The following SLC12A3 variants were observed in gnomAD, a reference collection of about 807,000 sequenced individuals.
SLC12A3 encodes solute carrier family 12 member 3.
SLC12A3 carries 104 observed loss-of-function variants against 121.0 expected under a neutral mutation model. That is an observed-to-expected ratio of 0.86 (90% CI 0.73 to 1.01). The LOEUF is 1.01. Among genes scored for constraint, SLC12A3 ranks in the 50% least tolerant of loss-of-function variants. The pLI, the probability that SLC12A3 is intolerant of heterozygous loss-of-function variation, is 0.00. For missense variants in SLC12A3, 1,328 were observed against 1,356.3 expected (o/e 0.98, Z 0.33); for synonymous variants, 536 against 533.4 (o/e 1.00, Z -0.07).
rs533486214 is a variant in SLC12A3, at chr16:56,867,987, G to A, written c.430-310G>A. 3.9e-5 allele frequency among the ~76,000 whole-genome samples: 6 copies of A among 152,342 alleles called. No individual in the cohort carries two copies. In the South Asian group the frequency reaches 1.2e-3, roughly 32 times the overall value. ...ATCAACTGCTGACCACTGGGGCCATGGTCGGGGCTGGCAGACACAGGATCC... is the reference window on the plus strand; with the variant it reads ...ATCAACTGCTGACCACTGGGGCCATAGTCGGGGCTGGCAGACACAGGATCC... On this transcript the variant is annotated intron_variant, in intron 2 of 25. Coordinates refer to ENST00000563236, the MANE Select transcript of SLC12A3 (RefSeq NM_001126108.2).
chr16:56,886,121 T>G (rs772574280), intron 15 of SLC12A3, among the ~76,000 whole-genome samples: 98 of 152,120 alleles, frequency 6.4e-4, no homozygotes, highest in Non-Finnish European at 1.3e-3. Flanking sequence ...GGGACATGCA[T>G]GGGGGGTAGC....
At chr16:56,894,073 G>A (rs182000302) in intron 21 of SLC12A3, among the ~76,000 whole-genome samples, 509 of 149,692 alleles carry the variant, frequency 3.4e-3, no homozygotes, top group Middle Eastern at 0.01. Context: ...GTGTGATCTC[G>A]GCTCACTGCA....
At chr16:56,887,219 T>C in intron 17 of SLC12A3, 126 bp downstream of exon 17, 5 of 1,201,034 alleles carry the variant, frequency 4.2e-6, no homozygotes, top group Non-Finnish European at 5.9e-6. Flanking sequence ...ACTTTTTTTT[T>C]TTGAGACTTG....
In SLC12A3 at chr16:56,878,991, C is replaced by T. The variant is rs2289119; in HGVS notation, c.1181-82C>T. ...CAGCTGCCCATCATCTGCAGCACCT[C>T]GCCCTCTGCAGAGGTGGGGCTGGAA... On this transcript the variant is annotated intron_variant, in intron 9 of 25. Transcript: ENST00000563236. 0.19 allele frequency: 287,950 copies of T among 1,506,828 alleles called. 28,048 individuals are homozygous for T. The highest frequency in any genetic ancestry group is 0.26 in the Admixed American group (13,338 of 51,054). The allele number at this position is 1,506,828 out of a possible 1,614,324, so 93.3% of individuals were successfully genotyped here. A position where few individuals can be genotyped will look rare whatever the true frequency, so the allele number is the denominator to read the frequency against.
chr16:56,884,335 C>A, intron 14 of SLC12A3, 131 bp downstream of exon 14: 1 of 916,144 alleles, frequency 1.1e-6, no homozygotes, highest in Non-Finnish European at 1.7e-6. Context: ...CTGCCCCTCC[C>A]CTTTATCCCT....
In SLC12A3 at chr16:56,913,318, G is replaced by A; in HGVS notation, c.2979G>A (p.Trp993Ter). The change falls in exon 26 of 26, where the codon TGG (tryptophan) becomes TGA (stop). Residue 993 changes from tryptophan (W) to a stop codon, truncating the protein, a stop_gained. Coordinates refer to ENST00000563236, the MANE Select transcript of SLC12A3 (RefSeq NM_001126108.2). LOFTEE classifies it high-confidence loss of function. The part of the protein sequence containing the change: ...GKCPSSLYMA[W>*]LETLSQDLRP... ...GCCCCAGCTCGCTGTACATGGCCTG[G>A]CTGGAGACCCTGTCCCAGGACCTCA... is the stretch of plus-strand genomic sequence containing the variant. 1 of 1,614,188 alleles carries A rather than the reference G, an allele frequency of 6.2e-7. No individual in the cohort carries two copies. The highest frequency in any genetic ancestry group is 8.5e-7 in the Non-Finnish European group (1 of 1,180,014).
chr16:56,913,331 TC>T lies in SLC12A3; in HGVS notation c.2995del (p.Gln999ArgfsTer9). ...SLYMAWLETL[S>X]QDLRPPVILI... Reference sequence around the variant, plus strand: ...GTACATGGCCTGGCTGGAGACCCTGTCCCAGGACCTCAGACCTCCAGTCATC... The same window carrying T: ...GTACATGGCCTGGCTGGAGACCCTGTCCAGGACCTCAGACCTCCAGTCATC... On this transcript the variant is annotated frameshift_variant, in exon 26 of 26. Coordinates refer to ENST00000563236, the MANE Select transcript of SLC12A3 (RefSeq NM_001126108.2). LOFTEE classifies it high-confidence loss of function. 6.2e-7 allele frequency: 1 copy of T among 1,614,130 alleles called. No homozygotes were observed. The highest frequency in any genetic ancestry group is 8.5e-7 in the Non-Finnish European group (1 of 1,179,994).
At chr16:56,867,458 T>C (rs1239244317) in intron 2 of SLC12A3, among the ~76,000 whole-genome samples, 1 of 152,086 alleles carries the variant, frequency 6.6e-6, no homozygotes, top group African/African-American at 2.4e-5. Context: ...AATCCGTAAA[T>C]GTGTTTTTCT....
rs2055086667 is a variant in SLC12A3, at chr16:56,870,858, C to A, written c.852+122C>A. The A allele has an allele frequency of 2.6e-5, 16 of 618,404 alleles. No homozygotes were observed. In the East Asian group the frequency reaches 4.1e-4, roughly 16 times the overall value. 38.3% of individuals were successfully genotyped at this position (618,404 alleles called of 1,614,324 possible). On this transcript the variant is annotated intron_variant, in intron 6 of 25. Coordinates refer to ENST00000563236, the MANE Select transcript of SLC12A3 (RefSeq NM_001126108.2). The stretch of plus-strand genomic sequence containing the variant: ...TTCTTTTCTTTTTTTTTTTTTGAGA[C>A]AGAATCTCGCTCGATGTCCATGCTG...
At chr16:56,865,853 C>T (rs906495688) in intron 1 of SLC12A3, among the ~76,000 whole-genome samples, 26 of 152,152 alleles carry the variant, frequency 1.7e-4, no homozygotes, top group African/African-American at 5.8e-4. Context: ...GAGGGCTCGC[C>T]GGGTTTGCTG....
chr16:56,902,543 A>G, intron 24 of SLC12A3, 35 bp downstream of exon 24: 1 of 1,570,784 alleles, frequency 6.4e-7, no homozygotes, highest in East Asian at 2.4e-5. Flanking sequence ...AACGCGACAC[A>G]TCACTGGGTC....
chr16:56,882,338 G>C, intron 12 of SLC12A3, 58 bp from the exon 13 acceptor site: 1 of 1,454,142 alleles, frequency 6.9e-7, no homozygotes, highest in Non-Finnish European at 9.7e-7. Flanking sequence ...AGGGTGCCAA[G>C]CCAGTCCTTG....
intron 25 of SLC12A3, among the ~76,000 whole-genome samples, chr16:56,909,720 G>A (rs1468931272): frequency 6.6e-6 from 1 of 152,016 alleles, no homozygotes; most frequent in African/African-American, 2.4e-5. Flanking sequence ...ACCACCAGGG[G>A]ACTGTGAAAA....
chr16:56,866,261 C>A (rs1382053222), intron 1 of SLC12A3, among the ~76,000 whole-genome samples: 1 of 152,168 alleles, frequency 6.6e-6, no homozygotes, highest in African/African-American at 2.4e-5. Context: ...GCTGGAATTA[C>A]AGGCATGAGC....
At chr16:56,881,028 T>C (rs911041730) in intron 12 of SLC12A3, among the ~76,000 whole-genome samples, 1 of 152,210 alleles carries the variant, frequency 6.6e-6, no homozygotes, top group Admixed American at 6.5e-5. Context: ...CTAATTTACT[T>C]AGCCATGGAG....
intron 13 of SLC12A3, 130 bp downstream of exon 13, chr16:56,882,627 A>G (rs141888997): frequency 1.3e-6 from 1 of 746,532 alleles, no homozygotes; most frequent in East Asian, 2.6e-5. Context: ...AAAACCATTG[A>G]AAGGGAACAT....
intron 8 of SLC12A3, 65 bp from the exon 9 acceptor site, chr16:56,878,012 T>C (rs995105754): frequency 1.4e-6 from 1 of 731,710 alleles, no homozygotes; most frequent in South Asian, 1.7e-5. Context: ...GGCTGCCTAA[T>C]GTCCTCCGTC....
chr16:56,894,764 C>T, intron 22 of SLC12A3, 122 bp downstream of exon 22: 1 of 739,778 alleles, frequency 1.4e-6, no homozygotes, highest in South Asian at 1.5e-5. Context: ...GAGATTGTCC[C>T]AAAGCCCAGG....
In SLC12A3 at chr16:56,914,342, A is replaced by C. The variant is rs1432775614; in HGVS notation, c.*937A>C. On this transcript the variant is annotated 3_prime_UTR_variant, in exon 26 of 26. Transcript: ENST00000563236. ...ACACACAGTAAGAAATATACTTCAC[A>C]CTGAGACTTGCAGCGCACACACACG... 2 of 152,246 alleles carry C rather than the reference A, an allele frequency of 1.3e-5. No homozygotes were observed. The highest frequency in any genetic ancestry group is 4.8e-5 in the African/African-American group (2 of 41,456). The allele number at this position is 152,246 out of a possible 1,614,324, so 9.4% of individuals were successfully genotyped here. A position where few individuals can be genotyped will look rare whatever the true frequency, so the allele number is the denominator to read the frequency against.
Sources: gnomAD v4.1 joint callset for allele counts (sites outside exome capture counted in the v4.1 genomes callset) on GRCh38, gnomAD v4.1.1 for gene constraint, MANE v1.5 for transcripts, NCBI Gene and HGNC (gene_info 2026-07-23, HGNC 2026-07-21) for gene names.